Variants in SEMA3F observed in about 807,000 individuals in gnomAD.
The protein encoded by SEMA3F is semaphorin-3F.
A neutral mutation model predicts 98.5 loss-of-function variants in SEMA3F; 30 were observed. The ratio of observed to expected loss-of-function variants is 0.30; its 90% CI spans 0.23 to 0.41. The LOEUF is 0.41. Ranked by LOEUF, SEMA3F falls within the 10% of genes least tolerant of loss-of-function variation. The probability of loss-of-function intolerance (pLI) is 1.00; values close to 1 mark genes in which losing one functional copy is unlikely to be tolerated. For synonymous variants in SEMA3F, 380 were observed against 444.8 expected, an observed-to-expected ratio of 0.85 and a Z score of 1.83; for missense variants, 866 against 1,119.3, an observed-to-expected ratio of 0.77 and a Z score of 3.23.
chr3:50,186,219 A>C, intron 16 of SEMA3F, 62 bp from the exon 17 acceptor site: 1 of 1,560,814 alleles, frequency 6.4e-7, no homozygotes, highest in Non-Finnish European at 8.8e-7. Context: ...AGTCAGGGAG[A>C]TACAGGGACC....
intron 2 of SEMA3F, among the ~76,000 whole-genome samples, chr3:50,162,964 A>G (rs1698267038): frequency 6.6e-6 from 1 of 152,190 alleles, no homozygotes; most frequent in Admixed American, 6.5e-5. Context: ...TCCAAGACCT[A>G]AAGAGGGTCT....
intron 13 of SEMA3F, among the ~76,000 whole-genome samples, 174 bp from the exon 14 acceptor site, chr3:50,185,268 AC>A (rs1411978531): frequency 4.6e-5 from 7 of 151,854 alleles, no homozygotes; most frequent in Non-Finnish European, 7.4e-5. Flanking sequence ...CATGGCCATG[AC>A]CCCCTATGTC....
At chr3:50,180,374 G>C (rs1457465018) in intron 7 of SEMA3F, among the ~76,000 whole-genome samples, 1 of 151,956 alleles carries the variant, frequency 6.6e-6, no homozygotes, top group Non-Finnish European at 1.5e-5. Flanking sequence ...TGTTGGCCAG[G>C]CTGGTCTCCT....
At chr3:50,169,921 T>A (rs941732693) in intron 2 of SEMA3F, among the ~76,000 whole-genome samples, 2 of 152,162 alleles carry the variant, frequency 1.3e-5, no homozygotes, top group African/African-American at 4.8e-5. Flanking sequence ...TACCCAGGGC[T>A]ACTTGCCCAC....
chr3:50,176,414 C>T (rs951920561), intron 6 of SEMA3F, among the ~76,000 whole-genome samples: 7 of 152,318 alleles, frequency 4.6e-5, no homozygotes, highest in South Asian at 2.1e-4. Flanking sequence ...GCCTCTGTAG[C>T]CCAGGGGGCC....
In SEMA3F at chr3:50,166,921, G is replaced by T. The variant is rs548261180; in HGVS notation, c.113-6872G>T. The stretch of plus-strand genomic sequence containing the variant: ...TGTGGGAGGAGGAGGTGGGTCCCCC[G>T]GGGGCCTCTGAAACTGGAGGCACTC... On this transcript the variant is annotated intron_variant, in intron 2 of 18. Coordinates refer to ENST00000002829, the MANE Select transcript of SEMA3F (RefSeq NM_004186.5). The surrounding 1 kb of genome is among the most constrained non-coding windows in gnomAD (Gnocchi z 4.7). Among the ~76,000 whole-genome samples the T allele has an allele frequency of 6.6e-6, 1 of 152,020 alleles. No individual in the cohort carries two copies. The highest frequency in any genetic ancestry group is 1.5e-5 in the Non-Finnish European group (1 of 67,984).
chr3:50,187,672 G>A (rs1699274051), intron 18 of SEMA3F, 33 bp from the exon 19 acceptor site: 1 of 1,539,730 alleles, frequency 6.5e-7, no homozygotes, highest in Admixed American at 1.8e-5. Flanking sequence ...GGTGGTCACA[G>A]AGCCTCTGAA....
In SEMA3F at chr3:50,183,179, TC is replaced by T. The variant is rs1398683767; in HGVS notation, c.1019-3del. On this transcript the variant is annotated splice_polypyrimidine_tract_variant and splice_region_variant and intron_variant, in intron 10 of 18. Transcript: ENST00000002829. ...CACCCTCCAACACCTTCTCCCTCTGTCCCCAGAGGACGTGTTTGTCCAGCAG... is the reference window on the plus strand; with the variant it reads ...CACCCTCCAACACCTTCTCCCTCTGTCCCAGAGGACGTGTTTGTCCAGCAG... The T allele has an allele frequency of 3.1e-6, 5 of 1,613,360 alleles. No individual in the cohort carries two copies.
Position 50,156,821 on chromosome 3 carries a change from C to T in SEMA3F, c.-49+1257C>T, listed in dbSNP as rs1698004982. Among the ~76,000 whole-genome samples the T allele has an allele frequency of 6.6e-6, 1 of 152,176 alleles. No homozygotes were observed. Among genetic ancestry groups the T allele is most frequent in the Non-Finnish European group, 1.5e-5 (1 of 68,030 alleles). ...GGCGGCAGCCCACCCAGCCTCAGCC[C>T]CTCGCTGCTCAGCATACCTTGGGGG... On this transcript the variant is annotated intron_variant, in intron 1 of 18. Transcript: ENST00000002829. This position sits in a 1 kb window ranked among gnomAD's most constrained non-coding sequence, Gnocchi z 4.5.
rs1314050411 is a variant in SEMA3F, at chr3:50,188,939, A to G, written c.*824A>G. 1.3e-5 allele frequency: 2 copies of G among 151,972 alleles called. No individual in the cohort carries two copies. The highest frequency in any genetic ancestry group is 4.8e-5 in the African/African-American group (2 of 41,336). 9.4% of individuals were successfully genotyped at this position (151,972 alleles called of 1,614,324 possible). ...AGGGCTCCCTTATGTCCACCACTTC[A>G]GGGGATGGGTGTGGATGTAATTAGC... On this transcript the variant is annotated 3_prime_UTR_variant, in exon 19 of 19. Transcript: ENST00000002829. The surrounding 1 kb of genome is among the most constrained non-coding windows in gnomAD (Gnocchi z 4.5).
chr3:50,168,447 C>G (rs992007604), intron 2 of SEMA3F, among the ~76,000 whole-genome samples: 2 of 152,166 alleles, frequency 1.3e-5, no homozygotes, highest in Admixed American at 1.3e-4. Flanking sequence ...AGGTGTGTCT[C>G]TGCACATACT....
chr3:50,174,596 G>C (rs948114146), intron 5 of SEMA3F, among the ~76,000 whole-genome samples: 1 of 152,270 alleles, frequency 6.6e-6, no homozygotes, highest in Non-Finnish European at 1.5e-5. Flanking sequence ...CTAGCACTGT[G>C]CCTGGCACAT....
At chr3:50,157,865 G>T (rs1698052878) in intron 1 of SEMA3F, among the ~76,000 whole-genome samples, 1 of 152,164 alleles carries the variant, frequency 6.6e-6, no homozygotes, top group African/African-American at 2.4e-5. Context: ...CATGGGGAGG[G>T]GGGAGGCGGG....
At chr3:50,164,468 C>T (rs111826889) in intron 2 of SEMA3F, among the ~76,000 whole-genome samples, 65 of 152,320 alleles carry the variant, frequency 4.3e-4, no homozygotes, top group Non-Finnish European at 5.7e-4. Flanking sequence ...GTATGCACCT[C>T]CGGCCCCTTG....
At chr3:50,155,323 C>A (rs1190556178), upstream of SEMA3F, 1 of 308,496 alleles carries the variant, frequency 3.2e-6, no homozygotes, top group African/African-American at 2.2e-5. This position sits in a 1 kb window ranked among gnomAD's most constrained non-coding sequence, Gnocchi z 4.9. Flanking sequence ...GAGGCGGCCC[C>A]GAGCGCCCCT....
intron 2 of SEMA3F, among the ~76,000 whole-genome samples, chr3:50,161,280 A>G (rs1575375821): frequency 1.3e-5 from 2 of 152,286 alleles, no homozygotes; most frequent in Non-Finnish European, 1.5e-5. Context: ...TGCTCCTTCT[A>G]AGCCTCCCTG....
At chr3:50,177,108 T>C (rs1698845011) in intron 7 of SEMA3F, among the ~76,000 whole-genome samples, 1 of 152,224 alleles carries the variant, frequency 6.6e-6, no homozygotes, top group Non-Finnish European at 1.5e-5. Flanking sequence ...AGCCAGGTCC[T>C]ACCCTGAAAC....
chr3:50,178,836 T>C (rs959015922), intron 7 of SEMA3F, among the ~76,000 whole-genome samples: 5 of 137,172 alleles, frequency 3.6e-5, no homozygotes, highest in African/African-American at 5.4e-5. Context: ...TTTCTTTTTT[T>C]TTTTTTTTTT....
intron 2 of SEMA3F, among the ~76,000 whole-genome samples, chr3:50,164,550 A>G (rs994209990): frequency 6.6e-6 from 1 of 152,150 alleles, no homozygotes; most frequent in Admixed American, 6.5e-5. Context: ...GACTCCTGGG[A>G]GACCTCCATC....
Sources: gnomAD v4.1 joint callset for allele counts (sites outside exome capture counted in the v4.1 genomes callset) on GRCh38, gnomAD v4.1.1 for gene constraint, Gnocchi (gnomAD v3.1) non-coding constraint, MANE v1.5 for transcripts, NCBI Gene and HGNC (gene_info 2026-07-23, HGNC 2026-07-21) for gene names.